The following ARSL variants were observed in gnomAD, a reference collection of about 807,000 sequenced individuals.
The protein encoded by ARSL is arylsulfatase E (chondrodysplasia punctata 1).
In ARSL, 4 loss-of-function variants were observed where a neutral mutation model predicts 31.1. That is an observed-to-expected ratio of 0.13 (90% CI 0.06 to 0.29). The LOEUF is 0.29. Ranked by LOEUF, ARSL falls within the 10% of genes least tolerant of loss-of-function variation. The probability of loss-of-function intolerance (pLI) is 1.00; values close to 1 mark genes in which losing one functional copy is unlikely to be tolerated. For synonymous variants in ARSL, 198 were observed against 209.9 expected, an observed-to-expected ratio of 0.94 and a Z score of 0.49; for missense variants, 312 against 497.8, an observed-to-expected ratio of 0.63 and a Z score of 3.55.
chrX:2,949,982 G>A (rs779107504), intron 5 of ARSL, among the ~76,000 whole-genome samples: 3 of 111,821 alleles, frequency 2.7e-5, no homozygotes, highest in African/African-American at 6.5e-5. Context: ...CTGTAAAACT[G>A]TTCACTTAAT....
At chrX:2,964,759 A>G (rs917737136), upstream of ARSL, among the ~76,000 whole-genome samples, 3 of 111,190 alleles carry the variant, frequency 2.7e-5, no homozygotes, top group Non-Finnish European at 5.7e-5. Flanking sequence ...GCTTGAGGCC[A>G]GGAGTTTCAG....
In ARSL at chrX:2,946,095, T is replaced by C; in HGVS notation, c.894A>G (p.Leu298=). The C allele has an allele frequency of 8.3e-7, 1 of 1,210,529 alleles. No individual in the cohort carries two copies. The highest frequency in any genetic ancestry group is 1.1e-6 in the Non-Finnish European group (1 of 894,873). Reference sequence around the variant, plus strand: ...TAGTGATAAGAGGGATGTGAACGTGTAGAAAGGAAACAAAGAGGAGGAAAG... The same window carrying C: ...TAGTGATAAGAGGGATGTGAACGTGCAGAAAGGAAACAAAGAGGAGGAAAG... ...HGPFLLFVSF[L]HVHIPLITME... The change falls in exon 7 of 11, where the codon CTA becomes CTG. Residue 298 remains leucine, a synonymous_variant. Transcript: ENST00000381134.
chrX:2,958,817 T>C (rs1056585132), intron 2 of ARSL, among the ~76,000 whole-genome samples: 3 of 111,315 alleles, frequency 2.7e-5, no homozygotes, highest in Non-Finnish European at 5.6e-5. Context: ...TGAAAACTCA[T>C]CTCTACAAGA....
intron 2 of ARSL, 128 bp from the exon 3 acceptor site, chrX:2,958,563 C>A: frequency 1.3e-6 from 1 of 776,345 alleles, no homozygotes; most frequent in Non-Finnish European, 1.9e-6. Context: ...GAGGACATCT[C>A]TTAGGCATTT....
At chrX:2,937,605 TG>T (rs891355463) in intron 9 of ARSL, among the ~76,000 whole-genome samples, 11 of 110,372 alleles carry the variant, frequency 1.0e-4, no homozygotes, top group South Asian at 3.9e-4. Flanking sequence ...CAAGTTTTAT[TG>T]GGGGGTCTAA....
At chrX:2,941,824 G>A (rs1435982585) in intron 8 of ARSL, among the ~76,000 whole-genome samples, 2 of 112,107 alleles carry the variant, frequency 1.8e-5, no homozygotes, top group Non-Finnish European at 3.8e-5. Context: ...CTGTGTCACA[G>A]GCCATGGTCA....
intron 6 of ARSL, among the ~76,000 whole-genome samples, chrX:2,948,371 C>CT (rs199708124): frequency 0.023 from 2,520 of 111,179 alleles, 81 homozygotes; most frequent in African/African-American, 0.078. Flanking sequence ...TGAAGATAGA[C>CT]TTTTTTTTAA....
intron 8 of ARSL, among the ~76,000 whole-genome samples, chrX:2,939,353 C>T (rs1390638261): frequency 1.8e-5 from 2 of 112,180 alleles, no homozygotes; most frequent in Middle Eastern, 4.2e-3. Context: ...CCCTGAGACA[C>T]GTTGATCTCA....
intron 2 of ARSL, chrX:2,959,668 G>T: frequency 2.6e-6 from 3 of 1,153,428 alleles, no homozygotes; most frequent in Non-Finnish European, 3.4e-6. Flanking sequence ...AATCAAGGGA[G>T]CCTGGAGCAC....
In ARSL at chrX:2,938,380, TTC is replaced by T. The variant is rs34095951; in HGVS notation, c.1127-125_1127-124del. ...TTTCTCTCTCCCTGAGTCTCTCAAT[TTC>T]TCTCTCTCTCTCTCTCTGTTTTAGT... On this transcript the variant is annotated intron_variant, in intron 8 of 10. Transcript: ENST00000381134. 8,209 of 691,211 alleles carry T rather than the reference TTC, an allele frequency of 0.012. 16 individuals carry two copies. Among genetic ancestry groups the T allele is most frequent in the African/African-American group, 0.043 (1,900 of 44,551 alleles). 57.0% of individuals were successfully genotyped at this position (691,211 alleles called of 1,213,427 possible). A position where few individuals can be genotyped will look rare whatever the true frequency, so the allele number is the denominator to read the frequency against.
chrX:2,960,096 C>T (rs1000053789), intron 2 of ARSL, among the ~76,000 whole-genome samples: 13 of 99,204 alleles, frequency 1.3e-4, no homozygotes, highest in South Asian at 1.0e-3. Flanking sequence ...GGTGAAACCC[C>T]GTCTCTACTA....
At chrX:2,959,789 C>G (rs2089578918) in intron 2 of ARSL, 1 of 1,031,507 alleles carries the variant, frequency 9.7e-7, no homozygotes. Context: ...GGCGTGGTGG[C>G]TCATGCCCAT....
At chrX:2,962,089 T>A (rs2089646438) in intron 1 of ARSL, among the ~76,000 whole-genome samples, 1 of 110,217 alleles carries the variant, frequency 9.1e-6, no homozygotes, top group Admixed American at 9.8e-5. Context: ...GCCCCCTGAC[T>A]TTGAGTTGTT....
intron 7 of ARSL, among the ~76,000 whole-genome samples, chrX:2,945,531 TTCTC>T (rs755504866): frequency 3.6e-5 from 4 of 112,101 alleles, no homozygotes; most frequent in Non-Finnish European, 7.5e-5. Flanking sequence ...GAGGTCATTA[TTCTC>T]TCTAACACAT....
intron 8 of ARSL, among the ~76,000 whole-genome samples, chrX:2,942,239 G>A: frequency 8.9e-6 from 1 of 111,873 alleles, no homozygotes; most frequent in South Asian, 3.8e-4. Flanking sequence ...GACAAGGTAA[G>A]GGTAATCAGC....
chrX:2,963,128 G>A (rs953133376), intron 1 of ARSL, among the ~76,000 whole-genome samples: 12 of 112,299 alleles, frequency 1.1e-4, no homozygotes, highest in Non-Finnish European at 1.5e-4. Context: ...GGGATAAGGT[G>A]TACGCCGTGC....
chrX:2,962,930 C>T (rs947430640), intron 1 of ARSL, among the ~76,000 whole-genome samples: 1 of 111,422 alleles, frequency 9.0e-6, no homozygotes, highest in Non-Finnish European at 1.9e-5. Context: ...ACCTGGAAGC[C>T]CCCTCCCTGC....
intron 1 of ARSL, among the ~76,000 whole-genome samples, chrX:2,961,237 G>A (rs1420924916): frequency 9.0e-6 from 1 of 111,142 alleles, no homozygotes; most frequent in East Asian, 2.8e-4. Flanking sequence ...CCTCAGTCTC[G>A]CCGAGAAGTG....
rs113241869 is a variant in ARSL, at chrX:2,943,698, C to T, written c.992-499G>A. Among the ~76,000 whole-genome samples the T allele has an allele frequency of 7.9e-3, 715 of 90,454 alleles. 6 individuals are homozygous for T. The highest frequency in any genetic ancestry group is 0.027 in the African/African-American group (618 of 22,949). 78.5% of individuals were successfully genotyped at this position (90,454 alleles called of 115,157 possible). A position where few individuals can be genotyped will look rare whatever the true frequency, so the allele number is the denominator to read the frequency against. The stretch of plus-strand genomic sequence containing the variant: ...TGGAGATTGCTGTGAGCTGAGATCA[C>T]GCCACTGCGCTCCAGCCTGGGTGAC... On this transcript the variant is annotated intron_variant, in intron 7 of 10. Coordinates refer to ENST00000381134, the MANE Select transcript of ARSL (RefSeq NM_000047.3).
Sources: allele counts gnomAD v4.1 joint callset (sites outside exome capture counted in the v4.1 genomes callset), GRCh38; gene constraint gnomAD v4.1.1; transcripts MANE v1.5; gene names NCBI Gene and HGNC (gene_info 2026-07-23, HGNC 2026-07-21).